The following WDR72 variants were observed in gnomAD, a reference collection of about 807,000 sequenced individuals.
WDR72 encodes the protein WD repeat-containing protein 72.
In WDR72, 120 loss-of-function variants were observed where a neutral mutation model predicts 124.2. That is an observed-to-expected ratio of 0.97 (90% CI 0.83 to 1.12). The LOEUF (loss-of-function observed/expected upper bound fraction) is 1.12. Among genes scored for constraint, WDR72 ranks in the 50% most tolerant of loss-of-function variants. The pLI, the probability that WDR72 is intolerant of heterozygous loss-of-function variation, is 0.00. For synonymous variants in WDR72, 452 were observed against 441.7 expected (o/e 1.02, Z -0.29); for missense variants, 1,387 against 1,278.8 (o/e 1.08, Z -1.29).
rs565097723 is a variant in WDR72, at chr15:53,715,462, T to C, written c.340-95A>G. On this transcript the variant is annotated intron_variant, in intron 4 of 19. Coordinates refer to ENST00000360509, the MANE Select transcript of WDR72 (RefSeq NM_182758.4). ...ATTTCTCTAGACTTTAGTTTTAGCATATGATCAATTAAGGTATTGAACTGA... is the reference window on the plus strand; with the variant it reads ...ATTTCTCTAGACTTTAGTTTTAGCACATGATCAATTAAGGTATTGAACTGA... The C allele has an allele frequency of 4.0e-4, 571 of 1,442,484 alleles. 1 individual carries two copies. Among genetic ancestry groups the C allele is most frequent in the Middle Eastern group, 1.4e-3 (8 of 5,756 alleles). 89.4% of individuals were successfully genotyped at this position (1,442,484 alleles called of 1,614,324 possible). A position where few individuals can be genotyped will look rare whatever the true frequency, so the allele number is the denominator to read the frequency against.
chr15:53,661,178 T>C (rs369045862), intron 14 of WDR72, among the ~76,000 whole-genome samples: 4 of 152,342 alleles, frequency 2.6e-5, no homozygotes, highest in East Asian at 1.9e-4. Flanking sequence ...TATCTGGTCC[T>C]TTCTAAGCCT....
intron 2 of WDR72, among the ~76,000 whole-genome samples, 155 bp downstream of exon 2, chr15:53,732,842 A>C (rs1188278415): frequency 6.6e-6 from 1 of 152,194 alleles, no homozygotes; most frequent in East Asian, 1.9e-4. Flanking sequence ...ATAATACTTT[A>C]TTTTCTCAAA....
At chr15:53,526,409 A>G (rs1393139650) in intron 18 of WDR72, among the ~76,000 whole-genome samples, 1 of 152,100 alleles carries the variant, frequency 6.6e-6, no homozygotes, top group East Asian at 1.9e-4. Context: ...GACCAAAGAT[A>G]CACATTAGCC....
intron 13 of WDR72, among the ~76,000 whole-genome samples, chr15:53,673,171 T>C (rs868718447): frequency 7.9e-5 from 12 of 152,126 alleles, no homozygotes; most frequent in African/African-American, 2.9e-4. Context: ...TCAACTCCCA[T>C]TGACATTTAC....
At chr15:53,633,614 C>G (rs2014513668) in intron 14 of WDR72, among the ~76,000 whole-genome samples, 1 of 152,128 alleles carries the variant, frequency 6.6e-6, no homozygotes, top group African/African-American at 2.4e-5. Context: ...ATGTATCTAA[C>G]AGCATAGTCT....
intron 18 of WDR72, among the ~76,000 whole-genome samples, chr15:53,574,045 A>C (rs1894665400): frequency 6.6e-6 from 1 of 152,060 alleles, no homozygotes; most frequent in African/African-American, 2.4e-5. Context: ...ATCTCTTATA[A>C]AAGATTTGTC....
intron 16 of WDR72, among the ~76,000 whole-genome samples, chr15:53,610,141 T>A (rs2013477212): frequency 6.6e-6 from 1 of 152,096 alleles, no homozygotes; most frequent in African/African-American, 2.4e-5. Context: ...ATTTAACTCA[T>A]TCTGTTATGT....
At chr15:53,715,510 G>T in intron 4 of WDR72, 143 bp from the exon 5 acceptor site, 1 of 973,718 alleles carries the variant, frequency 1.0e-6, no homozygotes, top group Non-Finnish European at 1.6e-6. Context: ...ATTTCTCTTA[G>T]TTCAGTTATT....
chr15:53,609,672 A>T, intron 16 of WDR72, 80 bp from the exon 17 acceptor site: 1 of 1,201,096 alleles, frequency 8.3e-7, no homozygotes, highest in Non-Finnish European at 1.2e-6. Flanking sequence ...GCATATTAGA[A>T]TCACCTGGGA....
chr15:53,653,328 A>G (rs1031001080), intron 14 of WDR72, among the ~76,000 whole-genome samples: 2 of 152,216 alleles, frequency 1.3e-5, no homozygotes, highest in Non-Finnish European at 2.9e-5. Context: ...GTCCCCTTTG[A>G]ACTTACACTG....
At chr15:53,601,169 A>C (rs950312514) in intron 17 of WDR72, among the ~76,000 whole-genome samples, 2 of 152,180 alleles carry the variant, frequency 1.3e-5, no homozygotes, top group African/African-American at 4.8e-5. Context: ...TCTTAGTGGA[A>C]ACCCTGCATG....
chr15:53,668,139 A>C (rs1055993677), intron 13 of WDR72, among the ~76,000 whole-genome samples: 1 of 152,202 alleles, frequency 6.6e-6, no homozygotes, highest in Non-Finnish European at 1.5e-5. Flanking sequence ...CACCTAAGCT[A>C]TTTCCACCCA....
chr15:53,646,061 C>T lies in WDR72; in HGVS notation c.1962+19511G>A, dbSNP rs138660067. Among the ~76,000 whole-genome samples, 707 of 152,212 alleles carry T rather than the reference C, an allele frequency of 4.6e-3. 4 individuals are homozygous for T. Among genetic ancestry groups the T allele is most frequent in the African/African-American group, 0.016 (675 of 41,532 alleles). ...GATGATGTGGCTTCTTAAAAAGCAT[C>T]GATGTTTCTGTAACACTTAAAATGT... On this transcript the variant is annotated intron_variant, in intron 14 of 19. Transcript: ENST00000360509.
chr15:53,746,708 T>G lies in WDR72; in HGVS notation c.-13+12925A>C, dbSNP rs12592784. ...ATTTTTTTTTTCCAGAAAACATACC[T>G]TGGTCATCTTTATCCCAGGAGGGAG... On this transcript the variant is annotated intron_variant, in intron 1 of 19. Coordinates refer to ENST00000360509, the MANE Select transcript of WDR72 (RefSeq NM_182758.4). Among the ~76,000 whole-genome samples, 454 of 152,286 alleles carry G rather than the reference T, an allele frequency of 3.0e-3. 15 individuals are homozygous for G. The East Asian group carries it at 0.077, about 26-fold the overall frequency.
At chr15:53,693,163 G>T (rs546092096) in intron 13 of WDR72, among the ~76,000 whole-genome samples, 2 of 152,280 alleles carry the variant, frequency 1.3e-5, no homozygotes, top group Admixed American at 6.5e-5. Flanking sequence ...AAGCAATATT[G>T]TTTCTGAGAA....
At chr15:53,520,608 T>C (rs1891739440) in intron 19 of WDR72, among the ~76,000 whole-genome samples, 1 of 152,062 alleles carries the variant, frequency 6.6e-6, no homozygotes, top group Non-Finnish European at 1.5e-5. Context: ...AAACCCCAAA[T>C]TTGTTTCTTC....
At chr15:53,569,125 A>C (rs1056088068) in intron 18 of WDR72, among the ~76,000 whole-genome samples, 3 of 150,464 alleles carry the variant, frequency 2.0e-5, no homozygotes, top group African/African-American at 7.3e-5. Flanking sequence ...CTTTCTGCAC[A>C]TGAGATCATT....
intron 16 of WDR72, among the ~76,000 whole-genome samples, chr15:53,610,572 GTA>G (rs61283270): frequency 0.14 from 20,966 of 148,658 alleles, 2,249 homozygotes; most frequent in African/African-American, 0.31. Context: ...AACATATGAG[GTA>G]TATATATATA....
chr15:53,601,841 A>C (rs1276761095), intron 17 of WDR72, among the ~76,000 whole-genome samples: 1 of 152,190 alleles, frequency 6.6e-6, no homozygotes, highest in African/African-American at 2.4e-5. Flanking sequence ...CAGGTTCATA[A>C]AGCAAGTTCT....
Sources: gnomAD v4.1 joint callset for allele counts (sites outside exome capture counted in the v4.1 genomes callset) on GRCh38, gnomAD v4.1.1 for gene constraint, MANE v1.5 for transcripts, NCBI Gene and HGNC (gene_info 2026-07-23, HGNC 2026-07-21) for gene names.